PRKCZ: variants seen among roughly 807,000 people sequenced by gnomAD.
PRKCZ encodes protein kinase C zeta type.
PRKCZ carries 33 observed loss-of-function variants against 79.5 expected under a neutral mutation model. That is an observed-to-expected ratio of 0.41 (90% confidence interval 0.31 to 0.55). The LOEUF (loss-of-function observed/expected upper bound fraction) is 0.55, where lower values mean the gene tolerates loss of function less well. Among genes scored for constraint, PRKCZ ranks in the 20% least tolerant of loss-of-function variants. The probability of loss-of-function intolerance (pLI) is 0.19; values close to 1 mark genes in which losing one functional copy is unlikely to be tolerated. For synonymous variants in PRKCZ, 342 were observed against 320.9 expected (o/e 1.07, Z -0.70); for missense variants, 578 against 813.5 (o/e 0.71, Z 3.52).
chr1:2,109,922 C>T (rs1384112462), intron 4 of PRKCZ, among the ~76,000 whole-genome samples: 1 of 152,236 alleles, frequency 6.6e-6, no homozygotes, highest in Non-Finnish European at 1.5e-5. Flanking sequence ...AATTGCCAGA[C>T]CTGGCCATTG....
intron 4 of PRKCZ, among the ~76,000 whole-genome samples, chr1:2,118,360 CAG>C (rs770233189): frequency 2.3e-5 from 3 of 130,594 alleles, no homozygotes; most frequent in Non-Finnish European, 4.8e-5. Flanking sequence ...TTTTTTGAGA[CAG>C]AGTGTCGCTC....
At chr1:2,088,828 G>A (rs1469367041) in intron 4 of PRKCZ, among the ~76,000 whole-genome samples, 1 of 152,244 alleles carries the variant, frequency 6.6e-6, no homozygotes, top group Non-Finnish European at 1.5e-5. Flanking sequence ...AGTGTTTCTG[G>A]TTGTGAAAGC....
chr1:2,184,059 G>A (rs765684992), intron 16 of PRKCZ: 49 of 154,504 alleles, frequency 3.2e-4, no homozygotes, highest in Non-Finnish European at 6.3e-4. Flanking sequence ...GCATCACCGA[G>A]TCCCAGGCCC....
At chr1:2,051,794 G>A (rs537043105) in intron 1 of PRKCZ, among the ~76,000 whole-genome samples, 2 of 152,286 alleles carry the variant, frequency 1.3e-5, no homozygotes, top group African/African-American at 4.8e-5. Flanking sequence ...TGGGGTCTCG[G>A]GTCAGCCATC....
intron 4 of PRKCZ, among the ~76,000 whole-genome samples, chr1:2,077,230 C>T (rs908382410): frequency 4.6e-5 from 7 of 152,182 alleles, no homozygotes; most frequent in African/African-American, 1.7e-4. Flanking sequence ...GTGGAAGGGG[C>T]CCTGACTTGA....
chr1:2,085,783 G>A (rs13302929), intron 4 of PRKCZ, among the ~76,000 whole-genome samples: 2 of 134,028 alleles, frequency 1.5e-5, no homozygotes, highest in Non-Finnish European at 3.2e-5. Flanking sequence ...CTCAGAGCCC[G>A]TGAGGCACCG....
At chr1:2,056,430 C>A in intron 2 of PRKCZ, 54 bp from the exon 3 acceptor site, 1 of 1,522,778 alleles carries the variant, frequency 6.6e-7, no homozygotes, top group Non-Finnish European at 9.0e-7. Flanking sequence ...CTCGTCACAG[C>A]CCCCTTTGCC....
rs372672289 is a variant in PRKCZ, at chr1:2,144,190, C to G, written c.421-20C>G. 1 of 1,550,168 alleles carries G rather than the reference C, an allele frequency of 6.5e-7. No homozygotes were observed. The highest frequency in any genetic ancestry group is 2.4e-5 in the East Asian group (1 of 40,852). ...GCCCCTCAGTGTGGCCTGGGCCTGA[C>G]GCTCTGTTCCCACCTGCAGAGAGCG... On this transcript the variant is annotated intron_variant, in intron 5 of 17. Coordinates refer to ENST00000378567, the MANE Select transcript of PRKCZ (RefSeq NM_002744.6).
In PRKCZ at chr1:2,144,206, G is replaced by C. The variant is rs1222610329; in HGVS notation, c.421-4G>C. 2 of 1,551,656 alleles carry C rather than the reference G, an allele frequency of 1.3e-6. No homozygotes were observed. On this transcript the variant is annotated splice_region_variant and splice_polypyrimidine_tract_variant and intron_variant, in intron 5 of 17. Coordinates refer to ENST00000378567, the MANE Select transcript of PRKCZ (RefSeq NM_002744.6). ...TGGGCCTGACGCTCTGTTCCCACCT[G>C]CAGAGAGCGTACTGCGGTCAGTGCA...
In PRKCZ at chr1:2,177,504, G is replaced by A. The variant is rs1034936247; in HGVS notation, c.1575+2191G>A. Among the ~76,000 whole-genome samples the A allele has an allele frequency of 2.2e-4, 33 of 152,308 alleles. No individual in the cohort carries two copies. The highest frequency in any genetic ancestry group is 7.7e-4 in the African/African-American group (32 of 41,558). On this transcript the variant is annotated intron_variant, in intron 16 of 17. Coordinates refer to ENST00000378567, the MANE Select transcript of PRKCZ (RefSeq NM_002744.6). The surrounding 1 kb of genome is among the most constrained non-coding windows in gnomAD (Gnocchi z 6.4). ...CAACCACTCTTGGTTTACCGGGAGT[G>A]GACAGATGAGGACAGATGGCTGCCT...
intron 4 of PRKCZ, among the ~76,000 whole-genome samples, chr1:2,062,005 A>G (rs1469997734): frequency 2.0e-5 from 3 of 152,166 alleles, no homozygotes; most frequent in South Asian, 2.1e-4. Flanking sequence ...AGGTGTGTAC[A>G]GTGGATGGAG....
chr1:2,089,750 A>T (rs1379417391), intron 4 of PRKCZ, among the ~76,000 whole-genome samples: 1 of 152,156 alleles, frequency 6.6e-6, no homozygotes, highest in East Asian at 1.9e-4. Flanking sequence ...CCGCTGTAGC[A>T]ACGTACCACA....
At chr1:2,131,076 G>C (rs533654660) in intron 4 of PRKCZ, among the ~76,000 whole-genome samples, 1 of 152,216 alleles carries the variant, frequency 6.6e-6, no homozygotes, top group Non-Finnish European at 1.5e-5. Context: ...CTGCAGTGGG[G>C]TGGGGCGTGG....
chr1:2,162,362 C>T (rs1407240225), intron 10 of PRKCZ, among the ~76,000 whole-genome samples: 2 of 152,228 alleles, frequency 1.3e-5, no homozygotes, highest in Non-Finnish European at 2.9e-5. Flanking sequence ...AAACTCCCAA[C>T]CTCAAGTGAT....
At chr1:2,055,731 C>G in intron 2 of PRKCZ, 169 bp downstream of exon 2, 2 of 1,014,254 alleles carry the variant, frequency 2.0e-6, no homozygotes, top group Non-Finnish European at 2.8e-6. Context: ...AAGAGGTTGG[C>G]CACAGATGCT....
intron 4 of PRKCZ, among the ~76,000 whole-genome samples, chr1:2,109,677 G>A (rs993399324): frequency 6.6e-6 from 1 of 152,166 alleles, no homozygotes; most frequent in African/African-American, 2.4e-5. Context: ...CCACTGCAGT[G>A]TCCGGAAGGC....
intron 9 of PRKCZ, among the ~76,000 whole-genome samples, chr1:2,152,262 G>A (rs1229981103): frequency 6.6e-6 from 1 of 152,170 alleles, no homozygotes; most frequent in Non-Finnish European, 1.5e-5. Flanking sequence ...GCCGGGCGCG[G>A]TGGCTCACAC....
At chr1:2,121,524 ATGG>A (rs1671913152) in intron 4 of PRKCZ, among the ~76,000 whole-genome samples, 2 of 101,192 alleles carry the variant, frequency 2.0e-5, no homozygotes, top group African/African-American at 5.6e-5. Context: ...ACTTAAGGTC[ATGG>A]CAGTAGTTAG....
chr1:2,076,924 C>T (rs564819879), intron 4 of PRKCZ, among the ~76,000 whole-genome samples: 77 of 152,256 alleles, frequency 5.1e-4, no homozygotes, highest in South Asian at 1.7e-3. Context: ...CTCCTGAACA[C>T]GCGAAGGAGG....
Sources: gnomAD v4.1 joint callset for allele counts (sites outside exome capture counted in the v4.1 genomes callset) on GRCh38, gnomAD v4.1.1 for gene constraint, Gnocchi (gnomAD v3.1) non-coding constraint, MANE v1.5 for transcripts, NCBI Gene and HGNC (gene_info 2026-07-23, HGNC 2026-07-21) for gene names.